The following CADPS2 variants were observed in gnomAD, a reference collection of about 807,000 sequenced individuals.
The protein encoded by CADPS2 is calcium-dependent secretion activator 2.
A neutral mutation model predicts 172.5 loss-of-function variants in CADPS2; 93 were observed. The observed-to-expected ratio is 0.54, with a 90% CI of 0.46 to 0.64. The LOEUF is 0.64. CADPS2 is among the 30% of genes least tolerant of loss of function. CADPS2 has a pLI of 0.00. For missense variants in CADPS2, 1,420 were observed against 1,565.9 expected (o/e 0.91, Z 1.57); for synonymous variants, 546 against 555.2 (o/e 0.98, Z 0.23).
intron 1 of CADPS2, among the ~76,000 whole-genome samples, chr7:122,771,387 A>G (rs1209929805): frequency 6.6e-6 from 1 of 152,182 alleles, no homozygotes; most frequent in Non-Finnish European, 1.5e-5. Context: ...AATGAAGACA[A>G]TGGGTGCTAC....
At chr7:122,634,975 G>C (rs759205152) in intron 3 of CADPS2, among the ~76,000 whole-genome samples, 10 of 152,062 alleles carry the variant, frequency 6.6e-5, no homozygotes, top group Non-Finnish European at 4.4e-5. Context: ...GATCTTCTTG[G>C]TATTGATTTC....
intron 1 of CADPS2, among the ~76,000 whole-genome samples, chr7:122,881,038 T>C (rs1343727822): frequency 6.6e-6 from 1 of 152,298 alleles, no homozygotes; most frequent in Non-Finnish European, 1.5e-5. Context: ...TCAAAAGTGG[T>C]CTACCTCACT....
chr7:122,636,134 G>A (rs1380602935), intron 3 of CADPS2, among the ~76,000 whole-genome samples: 1 of 152,084 alleles, frequency 6.6e-6, no homozygotes, highest in African/African-American at 2.4e-5. Flanking sequence ...TTTTGATCCT[G>A]TTATTTCGTT....
intron 7 of CADPS2, among the ~76,000 whole-genome samples, chr7:122,567,537 A>G (rs1309510579): frequency 6.6e-6 from 1 of 152,170 alleles, no homozygotes; most frequent in African/African-American, 2.4e-5. Context: ...TAAATGTACA[A>G]TCTTCTAAAC....
In CADPS2 at chr7:122,720,880, C is replaced by A. The variant is rs1357568510; in HGVS notation, c.453+16075G>T. ...TAAAGCTGGGGTGTATTTTTTTGTA[C>A]ATCAAAAATGGCCAAATATTGGCAG... On this transcript the variant is annotated intron_variant, in intron 2 of 29. Coordinates refer to ENST00000449022, the MANE Select transcript of CADPS2 (RefSeq NM_017954.11). 5.9e-5 allele frequency among the ~76,000 whole-genome samples: 9 copies of A among 151,860 alleles called. No homozygotes were observed. The South Asian group carries it at 1.9e-3, about 32-fold the overall frequency.
intron 3 of CADPS2, among the ~76,000 whole-genome samples, chr7:122,655,670 C>T (rs952537831): frequency 2.6e-5 from 4 of 151,876 alleles, no homozygotes; most frequent in Admixed American, 6.6e-5. Flanking sequence ...TGGAACTGGA[C>T]CCACAATATC....
At chr7:122,509,621 T>C (rs1358979241) in intron 9 of CADPS2, among the ~76,000 whole-genome samples, 1 of 152,162 alleles carries the variant, frequency 6.6e-6, no homozygotes, top group African/African-American at 2.4e-5. Context: ...ACATATCTGT[T>C]TGTCTTCAGA....
intron 8 of CADPS2, among the ~76,000 whole-genome samples, chr7:122,533,489 A>C (rs73433732): frequency 6.6e-6 from 1 of 152,108 alleles, no homozygotes; most frequent in Non-Finnish European, 1.5e-5. Context: ...ACAAACTCAC[A>C]CTGCTTAACG....
chr7:122,826,842 A>G (rs1805037966), intron 1 of CADPS2, among the ~76,000 whole-genome samples: 1 of 152,086 alleles, frequency 6.6e-6, no homozygotes, highest in Non-Finnish European at 1.5e-5. Flanking sequence ...ATTAGAAAAA[A>G]AAATGTCTAC....
chr7:122,591,089 A>G (rs1355363622), intron 6 of CADPS2, among the ~76,000 whole-genome samples: 2 of 152,048 alleles, frequency 1.3e-5, no homozygotes, highest in Admixed American at 6.6e-5. Flanking sequence ...AGAAAACCCC[A>G]TCATCACAGC....
At chr7:122,581,072 AATTTATGAAC>A in intron 7 of CADPS2, 97 bp downstream of exon 7, 1 of 736,216 alleles carries the variant, frequency 1.4e-6, no homozygotes, top group African/African-American at 1.8e-5. Flanking sequence ...TATTTTATGT[AATTTATGAAC>A]ATAAAGTTCA....
Position 122,639,867 on chromosome 7 carries a change from G to A in CADPS2, c.787-10539C>T, listed in dbSNP as rs558475319. On this transcript the variant is annotated intron_variant, in intron 3 of 29. Transcript: ENST00000449022. ...CAATCTAAATATTCACTGCCTGGAT[G>A]CTCTCCTCAAAGCCTATGATCATAA... Among the ~76,000 whole-genome samples, 12 of 152,232 alleles carry A rather than the reference G, an allele frequency of 7.9e-5. 1 individual carries two copies. The South Asian group carries it at 2.5e-3, about 32-fold the overall frequency.
At chr7:122,531,227 CAGAG>C (rs2061725182) in intron 8 of CADPS2, among the ~76,000 whole-genome samples, 3 of 152,136 alleles carry the variant, frequency 2.0e-5, no homozygotes, top group Admixed American at 6.6e-5. Flanking sequence ...GCTTTAACTG[CAGAG>C]AGCGTCAAAG....
intron 1 of CADPS2, among the ~76,000 whole-genome samples, chr7:122,819,442 A>G (rs1277161168): frequency 1.3e-5 from 2 of 152,192 alleles, no homozygotes; most frequent in East Asian, 1.9e-4. Flanking sequence ...CACGGACGCC[A>G]AGCTTCGGGT....
At chr7:122,500,701 C>A (rs917519690) in intron 9 of CADPS2, among the ~76,000 whole-genome samples, 2 of 152,056 alleles carry the variant, frequency 1.3e-5, no homozygotes, top group Non-Finnish European at 2.9e-5. Flanking sequence ...AATTTGGAAA[C>A]AAACAAAATT....
intron 6 of CADPS2, among the ~76,000 whole-genome samples, chr7:122,587,343 C>T (rs1035305816): frequency 1.3e-5 from 2 of 152,096 alleles, no homozygotes; most frequent in Non-Finnish European, 2.9e-5. Context: ...TCAGCTCCCA[C>T]ATATAAGTGA....
At position 122,680,524 on chromosome 7, in the gene CADPS2, G is replaced by T. The variant is rs568260080; in HGVS notation, c.454-16955C>A. Reference sequence around the variant, plus strand: ...AGGTCAGGAGTTCGAGACCAGCCTGGCCAACATGGCAAAAGCCTGTCTCTA... The same window carrying T: ...AGGTCAGGAGTTCGAGACCAGCCTGTCCAACATGGCAAAAGCCTGTCTCTA... On this transcript the variant is annotated intron_variant, in intron 2 of 29. Coordinates refer to ENST00000449022, the MANE Select transcript of CADPS2 (RefSeq NM_017954.11). Among the ~76,000 whole-genome samples, 22 of 152,246 alleles carry T rather than the reference G, an allele frequency of 1.4e-4. No individual in the cohort carries two copies. In the East Asian group the frequency reaches 3.9e-3, roughly 27 times the overall value.
chr7:122,769,145 G>T (rs1032807422), intron 1 of CADPS2, among the ~76,000 whole-genome samples: 3 of 152,164 alleles, frequency 2.0e-5, no homozygotes, highest in African/African-American at 7.2e-5. Flanking sequence ...TACTAGCACT[G>T]CCCTCAAGAC....
At chr7:122,430,505 T>C (rs758602242) in intron 17 of CADPS2, among the ~76,000 whole-genome samples, 9 of 152,186 alleles carry the variant, frequency 5.9e-5, no homozygotes, top group Non-Finnish European at 1.3e-4. Context: ...GGAAACATGA[T>C]GCTTCAGTGT....
Sources: gnomAD v4.1 joint callset for allele counts (sites outside exome capture counted in the v4.1 genomes callset) on GRCh38, gnomAD v4.1.1 for gene constraint, MANE v1.5 for transcripts, NCBI Gene and HGNC (gene_info 2026-07-23, HGNC 2026-07-21) for gene names.